SLC39A11: variants seen among roughly 807,000 people sequenced by gnomAD.
SLC39A11 encodes the protein solute carrier family 39 member 11, also known as zinc transporter ZIP11.
A neutral mutation model predicts 36.1 loss-of-function variants in SLC39A11; 33 were observed. That is an observed-to-expected ratio of 0.91 (90% confidence interval 0.69 to 1.22). The LOEUF is 1.22. Ranked by LOEUF, SLC39A11 falls within the 50% of genes most tolerant of loss-of-function variation. The pLI, the probability that SLC39A11 is intolerant of heterozygous loss-of-function variation, is 0.00. For synonymous variants in SLC39A11, 166 were observed against 170.3 expected, an observed-to-expected ratio of 0.97 and a Z score of 0.20; for missense variants, 432 against 430.3, an observed-to-expected ratio of 1.00 and a Z score of -0.03.
intron 7 of SLC39A11, among the ~76,000 whole-genome samples, chr17:72,713,755 CCT>C (rs921870137): frequency 2.0e-4 from 30 of 152,272 alleles, no homozygotes; most frequent in African/African-American, 6.7e-4. Flanking sequence ...TCTTCCATCA[CCT>C]CCCTGCCATC....
intron 6 of SLC39A11, among the ~76,000 whole-genome samples, chr17:72,847,912 A>T (rs985225640): frequency 2.6e-5 from 4 of 152,342 alleles, no homozygotes; most frequent in Non-Finnish European, 2.9e-5. Flanking sequence ...GATTGGCACC[A>T]TGAACTCTGC....
At chr17:72,878,275 A>G (rs1290755020) in intron 5 of SLC39A11, among the ~76,000 whole-genome samples, 1 of 152,070 alleles carries the variant, frequency 6.6e-6, no homozygotes, top group Admixed American at 6.5e-5. Context: ...GACTCTGTCA[A>G]CCGACACTGT....
intron 5 of SLC39A11, among the ~76,000 whole-genome samples, chr17:72,945,435 C>A (rs1033431121): frequency 3.9e-5 from 6 of 152,172 alleles, no homozygotes; most frequent in Admixed American, 6.5e-5. Context: ...AAGGGCAAAT[C>A]CAGATGGTAC....
At chr17:72,974,240 C>T (rs2087668783) in intron 4 of SLC39A11, among the ~76,000 whole-genome samples, 2 of 152,084 alleles carry the variant, frequency 1.3e-5, no homozygotes, top group Non-Finnish European at 2.9e-5. Flanking sequence ...CCTGGGATTA[C>T]AGGCGCCCGC....
At chr17:72,964,242 A>C (rs2086812546) in intron 4 of SLC39A11, among the ~76,000 whole-genome samples, 1 of 152,238 alleles carries the variant, frequency 6.6e-6, no homozygotes, top group South Asian at 2.1e-4. Flanking sequence ...GGACAGAATT[A>C]ATATGCTAAT....
At chr17:72,947,722 A>T in intron 5 of SLC39A11, 30 bp downstream of exon 5, 1 of 1,613,194 alleles carries the variant, frequency 6.2e-7, no homozygotes, top group Non-Finnish European at 8.5e-7. Context: ...TCTGCAGCAA[A>T]GAGCTTGCCT....
At chr17:72,911,925 T>C (rs1424638406) in intron 5 of SLC39A11, among the ~76,000 whole-genome samples, 1 of 152,158 alleles carries the variant, frequency 6.6e-6, no homozygotes, top group Non-Finnish European at 1.5e-5. Context: ...ATTACAGGCG[T>C]GAGCCACTGC....
intron 4 of SLC39A11, among the ~76,000 whole-genome samples, chr17:72,972,292 G>A (rs2087513931): frequency 6.6e-6 from 1 of 152,168 alleles, no homozygotes; most frequent in Admixed American, 6.5e-5. Context: ...GGTGGGAAGT[G>A]AGATGAAGTG....
intron 3 of SLC39A11, among the ~76,000 whole-genome samples, chr17:73,033,704 T>C (rs2058813681): frequency 6.6e-6 from 1 of 152,186 alleles, no homozygotes; most frequent in African/African-American, 2.4e-5. Context: ...ACGGCAGTCA[T>C]CGCCGACACA....
intron 5 of SLC39A11, among the ~76,000 whole-genome samples, chr17:72,925,679 C>T (rs1274145663): frequency 4.6e-5 from 7 of 152,168 alleles, no homozygotes; most frequent in Admixed American, 2.6e-4. Flanking sequence ...TCAGACTTTG[C>T]CATATGATTT....
intron 6 of SLC39A11, among the ~76,000 whole-genome samples, chr17:72,810,623 T>C (rs73998414): frequency 0.06 from 9,153 of 152,262 alleles, 456 homozygotes; most frequent in African/African-American, 0.14. Context: ...GGAATGCTTC[T>C]GAGTTGCTAG....
At chr17:72,682,016 A>C (rs117676160) in intron 7 of SLC39A11, among the ~76,000 whole-genome samples, 1,653 of 152,176 alleles carry the variant, frequency 0.011, 10 homozygotes, top group Middle Eastern at 0.024. Flanking sequence ...CCCATCACTC[A>C]CATTACCACC....
At chr17:72,751,588 T>G (rs182075064) in intron 6 of SLC39A11, among the ~76,000 whole-genome samples, 1 of 152,060 alleles carries the variant, frequency 6.6e-6, no homozygotes, top group Non-Finnish European at 1.5e-5. Flanking sequence ...GCTCTTTGGT[T>G]TTTTTTTGAG....
intron 7 of SLC39A11, among the ~76,000 whole-genome samples, chr17:72,699,935 C>T (rs531008883): frequency 6.6e-6 from 1 of 152,168 alleles, no homozygotes; most frequent in Non-Finnish European, 1.5e-5. Flanking sequence ...TAGAGACCCA[C>T]ACCAAAAAAA....
intron 6 of SLC39A11, among the ~76,000 whole-genome samples, chr17:72,797,401 G>T (rs770107479): frequency 2.4e-4 from 36 of 152,054 alleles, no homozygotes; most frequent in Non-Finnish European, 4.6e-4. Flanking sequence ...GCAGGTAAAG[G>T]CACTTGAGTG....
intron 9 of SLC39A11, among the ~76,000 whole-genome samples, chr17:72,647,904 G>C (rs769400095): frequency 6.6e-6 from 1 of 152,178 alleles, no homozygotes; most frequent in Non-Finnish European, 1.5e-5. Flanking sequence ...CTGAGGCAAA[G>C]AGAAGTTACT....
intron 5 of SLC39A11, among the ~76,000 whole-genome samples, chr17:72,911,281 G>C (rs982228666): frequency 6.6e-6 from 1 of 152,044 alleles, no homozygotes; most frequent in African/African-American, 2.4e-5. Flanking sequence ...TGGAGGAAGG[G>C]GGGAAGGATA....
At chr17:72,971,488 C>T (rs890075750) in intron 4 of SLC39A11, among the ~76,000 whole-genome samples, 15 of 152,282 alleles carry the variant, frequency 9.9e-5, no homozygotes, top group African/African-American at 3.6e-4. Flanking sequence ...TTCCAAAACC[C>T]TCTGGACTGG....
chr17:72,718,970 G>T (rs562610926), intron 7 of SLC39A11, among the ~76,000 whole-genome samples: 4 of 152,162 alleles, frequency 2.6e-5, no homozygotes, highest in African/African-American at 9.6e-5. Flanking sequence ...CAGGTTCAGT[G>T]GCTCACGCCT....
Sources: allele counts gnomAD v4.1 joint callset (sites outside exome capture counted in the v4.1 genomes callset), GRCh38; gene constraint gnomAD v4.1.1; transcripts MANE v1.5; gene names NCBI Gene and HGNC (gene_info 2026-07-23, HGNC 2026-07-21).